The following NCBP1 variants were observed in gnomAD, a reference collection of about 807,000 sequenced individuals.
NCBP1 encodes the protein nuclear cap binding protein subunit 1, also known as nuclear cap-binding protein subunit 1.
NCBP1 carries 16 observed loss-of-function variants against 111.7 expected under a neutral mutation model. That is an observed-to-expected ratio of 0.14 (90% confidence interval 0.10 to 0.22). The LOEUF (loss-of-function observed/expected upper bound fraction) is 0.22. NCBP1 is among the 10% of genes least tolerant of loss of function. NCBP1 has a pLI of 1.00. For synonymous variants in NCBP1, 304 were observed against 314.3 expected (o/e 0.97, Z 0.35); for missense variants, 607 against 957.5 (o/e 0.63, Z 4.83).
intron 15 of NCBP1, among the ~76,000 whole-genome samples, chr9:97,660,702 G>C (rs1053178659): frequency 6.6e-6 from 1 of 152,148 alleles, no homozygotes; most frequent in African/African-American, 2.4e-5. Context: ...ATTTTACTTA[G>C]CTAAGTGTCC....
chr9:97,656,957 GTTTTTTTTGT>G (rs1173715564), intron 14 of NCBP1, among the ~76,000 whole-genome samples: 16 of 151,724 alleles, frequency 1.1e-4, no homozygotes, highest in Non-Finnish European at 2.2e-4. Flanking sequence ...GGTCTGGAGT[GTTTTTTTTGT>G]TTTGTTTTGT....
intron 4 of NCBP1, among the ~76,000 whole-genome samples, chr9:97,644,444 A>G (rs1827281366): frequency 1.3e-5 from 2 of 152,200 alleles, no homozygotes; most frequent in East Asian, 1.9e-4. Context: ...CTCCTTTGTG[A>G]TGCTTTCCCC....
At chr9:97,642,397 T>G (rs76414733) in intron 3 of NCBP1, among the ~76,000 whole-genome samples, 2,133 of 152,226 alleles carry the variant, frequency 0.014, 102 homozygotes, top group East Asian at 0.13. Flanking sequence ...TTTGAAGACC[T>G]TGATTGTCCC....
In NCBP1 at chr9:97,663,029, C is replaced by G; in HGVS notation, c.1779C>G (p.Val593=). The G allele has an allele frequency of 6.2e-7, 1 of 1,611,764 alleles. No homozygotes were observed. ...ATGTGCTAAGAGTTATGTTTGAGGTCTGGAGGAACCATCCACAGGTAAAAA... is the reference window on the plus strand; with the variant it reads ...ATGTGCTAAGAGTTATGTTTGAGGTGTGGAGGAACCATCCACAGGTAAAAA... ...KLHVLRVMFE[V]WRNHPQMIAV... The change falls in exon 18 of 23, where the codon GTC becomes GTG. Residue 593 remains valine (V), a synonymous_variant. Coordinates refer to ENST00000375147, the MANE Select transcript of NCBP1 (RefSeq NM_002486.5).
chr9:97,643,039 CTG>C (rs1827244152), intron 3 of NCBP1, among the ~76,000 whole-genome samples, 163 bp from the exon 4 acceptor site: 1 of 148,288 alleles, frequency 6.7e-6, no homozygotes, highest in Non-Finnish European at 1.5e-5. Context: ...GGGACTATGT[CTG>C]TAACATTTCT....
chr9:97,660,735 A>G (rs1412093946), intron 15 of NCBP1, among the ~76,000 whole-genome samples: 2 of 152,176 alleles, frequency 1.3e-5, no homozygotes, highest in East Asian at 1.9e-4. Flanking sequence ...TGAAATGAGA[A>G]TTGTCCCTTT....
chr9:97,637,734 G>A (rs935664702), intron 1 of NCBP1, among the ~76,000 whole-genome samples: 3 of 152,096 alleles, frequency 2.0e-5, no homozygotes, highest in Admixed American at 1.3e-4. Flanking sequence ...GTTTAAAAAC[G>A]TAATGTTGAA....
intron 20 of NCBP1, among the ~76,000 whole-genome samples, chr9:97,667,588 G>A (rs1362815853): frequency 1.3e-5 from 2 of 152,144 alleles, no homozygotes; most frequent in Admixed American, 6.5e-5. Context: ...ACATAGAGAA[G>A]TTAAGTAACA....
chr9:97,670,790 T>C (rs1828166508), intron 22 of NCBP1, among the ~76,000 whole-genome samples: 1 of 152,216 alleles, frequency 6.6e-6, no homozygotes, highest in African/African-American at 2.4e-5. Context: ...TAGTCCGTAA[T>C]AGTACTAGGA....
At position 97,668,863 on chromosome 9, in the gene NCBP1, C is replaced by T. The variant is rs1828091029; in HGVS notation, c.2034C>T (p.Asp678=). The T allele has an allele frequency of 1.9e-6, 3 of 1,612,720 alleles. No individual in the cohort carries two copies. The highest frequency in any genetic ancestry group is 2.5e-6 in the Non-Finnish European group (3 of 1,179,476). ...RQHKRRSDDD[D]RSSDRKDGVL... The stretch of plus-strand genomic sequence containing the variant: ...TTCTATAGCGAAGTGATGATGACGA[C>T]AGAAGCAGTGACAGGAAAGACGGGG... The change falls in exon 21 of 23, where the codon GAC becomes GAT. Residue 678 remains aspartate, a synonymous_variant. Coordinates refer to ENST00000375147, the MANE Select transcript of NCBP1 (RefSeq NM_002486.5).
chr9:97,664,485 T>G (rs1453590178), intron 19 of NCBP1, 42 bp downstream of exon 19: 1 of 1,334,874 alleles, frequency 7.5e-7, no homozygotes, highest in Admixed American at 1.7e-5. Context: ...CCCTAAGAAT[T>G]GATATATGTG....
At chr9:97,639,969 T>C (rs1033409918) in intron 1 of NCBP1, among the ~76,000 whole-genome samples, 1 of 152,200 alleles carries the variant, frequency 6.6e-6, no homozygotes, top group African/African-American at 2.4e-5. Context: ...ATGATATGGT[T>C]TTTAAATAAA....
chr9:97,636,908 C>T (rs565156540), intron 1 of NCBP1, among the ~76,000 whole-genome samples: 1 of 151,970 alleles, frequency 6.6e-6, no homozygotes, highest in African/African-American at 2.4e-5. Context: ...GAGAAGGCTT[C>T]GGTGTGAATG....
At position 97,671,834 on chromosome 9, in the gene NCBP1, A is replaced by C. The variant is rs1207006659; in HGVS notation, c.*635A>C. On this transcript the variant is annotated 3_prime_UTR_variant, in exon 23 of 23. Coordinates refer to ENST00000375147, the MANE Select transcript of NCBP1 (RefSeq NM_002486.5). ...ATGTAAATCACCTGGGAATCTTTCA[A>C]GTTATTTTGAAATTTAAACCACCGT... is the stretch of plus-strand genomic sequence containing the variant. 3.3e-5 allele frequency: 5 copies of C among 152,198 alleles called. No individual in the cohort carries two copies. Among genetic ancestry groups the C allele is most frequent in the African/African-American group, 7.2e-5 (3 of 41,452 alleles). The allele number at this position is 152,198 out of a possible 1,614,324, so 9.4% of individuals were successfully genotyped here. A position where few individuals can be genotyped will look rare whatever the true frequency, so the allele number is the denominator to read the frequency against.
Position 97,636,543 on chromosome 9 carries a change from TTTA to T in NCBP1, c.34+2633_34+2635del, listed in dbSNP as rs889533308. 1.9e-4 allele frequency among the ~76,000 whole-genome samples: 27 copies of T among 144,856 alleles called. No individual in the cohort carries two copies. In the Middle Eastern group the frequency reaches 0.011, roughly 59 times the overall value. ...TATATTTATATATTATATAAGTTTGTTTATTATAAGTTTTATATAAATATATAC... is the reference window on the plus strand; with the variant it reads ...TATATTTATATATTATATAAGTTTGTTTATAAGTTTTATATAAATATATAC... On this transcript the variant is annotated intron_variant, in intron 1 of 22. Transcript: ENST00000375147.
intron 16 of NCBP1, among the ~76,000 whole-genome samples, chr9:97,661,837 A>G (rs924776207): frequency 2.6e-5 from 4 of 151,192 alleles, no homozygotes; most frequent in Non-Finnish European, 4.4e-5. Flanking sequence ...AGACAGTCAC[A>G]TAAAACTAAG....
chr9:97,665,258 C>T (rs542650812), intron 19 of NCBP1, among the ~76,000 whole-genome samples: 21 of 152,312 alleles, frequency 1.4e-4, no homozygotes, highest in African/African-American at 4.8e-4. Flanking sequence ...ACAGAAGAAC[C>T]TTTTCAGATT....
chr9:97,671,047 T>A (rs1828176542), intron 22 of NCBP1, 39 bp from the exon 23 acceptor site: 1 of 1,384,260 alleles, frequency 7.2e-7, no homozygotes, highest in Non-Finnish European at 1.0e-6. Context: ...GCTTATATGC[T>A]TTTTCCTGAC....
Position 97,653,848 on chromosome 9 carries a change from G to T in NCBP1, c.1110G>T (p.Val370=). 1 of 1,614,108 alleles carries T rather than the reference G, an allele frequency of 6.2e-7. No individual in the cohort carries two copies. Residue 370 remains valine, a synonymous_variant, in exon 11 of 23, where the codon GTG becomes GTT. Transcript: ENST00000375147. ...TTCCAGCACCCCCTCACATTGATGTGATGTACACAACACTCCTCATTGAAC... is the reference window on the plus strand; with the variant it reads ...TTCCAGCACCCCCTCACATTGATGTTATGTACACAACACTCCTCATTGAAC... The part of the protein sequence containing the change: ...FQLPAPPHID[V]MYTTLLIELC...
Sources: gnomAD v4.1 joint callset for allele counts (sites outside exome capture counted in the v4.1 genomes callset) on GRCh38, gnomAD v4.1.1 for gene constraint, MANE v1.5 for transcripts, NCBI Gene and HGNC (gene_info 2026-07-23, HGNC 2026-07-21) for gene names.